The following PDILT variants were observed in gnomAD, a reference collection of about 807,000 sequenced individuals.
PDILT encodes protein disulfide isomerase like, testis expressed, also known as protein disulfide-isomerase-like protein of the testis.
PDILT carries 43 observed loss-of-function variants against 53.7 expected under a neutral mutation model. That is an observed-to-expected ratio of 0.80 (90% confidence interval 0.63 to 1.03). The LOEUF (loss-of-function observed/expected upper bound fraction) is 1.03, where lower values mean the gene tolerates loss of function less well. PDILT is among the 50% of genes least tolerant of loss of function. The pLI is 0.00. For synonymous variants in PDILT, 282 were observed against 274.2 expected, an observed-to-expected ratio of 1.03 and a Z score of -0.28; for missense variants, 727 against 712.3, an observed-to-expected ratio of 1.02 and a Z score of -0.24.
chr16:20,398,332 A>G (rs1966687325), intron 2 of PDILT, among the ~76,000 whole-genome samples: 2 of 151,982 alleles, frequency 1.3e-5, no homozygotes, highest in South Asian at 4.2e-4. Context: ...AGCAAGAGTG[A>G]TGGTCTCGGC....
intron 2 of PDILT, chr16:20,385,999 C>T (rs2141612278): frequency 6.6e-6 from 1 of 152,244 alleles, no homozygotes; most frequent in African/African-American, 2.4e-5. Flanking sequence ...TGTAATTGGA[C>T]AGGGGACTTT....
At position 20,370,419 on chromosome 16, in the gene PDILT, G is replaced by A. The variant is rs138069564; in HGVS notation, c.919-730C>T. 4.6e-5 allele frequency among the ~76,000 whole-genome samples: 7 copies of A among 152,272 alleles called. No individual in the cohort carries two copies. The South Asian group carries it at 6.2e-4, about 14-fold the overall frequency. ...GTAGGGGCTCAGGATTAGGTAGGGT[G>A]GTCAAGAGGAGAACCTGAGGAGGTC... On this transcript the variant is annotated intron_variant, in intron 7 of 11. Coordinates refer to ENST00000302451, the MANE Select transcript of PDILT (RefSeq NM_174924.2).
rs2141717728 is a variant in PDILT at position 20,376,096 on chromosome 16, C to T, written c.515G>A (p.Arg172Lys). The change falls in exon 4 of 12, where the codon AGG becomes AAG. Residue 172 changes from arginine (R) to lysine (K), a missense_variant. Arg to Lys is a conservative substitution (Grantham distance 26). Transcript: ENST00000302451. ...GAAGAAGCCAACGATGACCAAGGGCCTGGATATCACAAACTCTGCCACCTG... is the reference window on the plus strand; with the variant it reads ...GAAGAAGCCAACGATGACCAAGGGCTTGGATATCACAAACTCTGCCACCTG... The part of the protein sequence containing the change: ...SEQVAEFVIS[R>K]PLVIVGFFQD... The T allele has an allele frequency of 1.2e-6, 2 of 1,614,124 alleles. No homozygotes were observed. The highest frequency in any genetic ancestry group is 1.7e-6 in the Non-Finnish European group (2 of 1,180,006).
At chr16:20,402,272 A>G (rs1966751648) in intron 1 of PDILT, among the ~76,000 whole-genome samples, 1 of 136,418 alleles carries the variant, frequency 7.3e-6, no homozygotes, top group African/African-American at 2.9e-5. Context: ...AAAGTGTTGG[A>G]GTCAGGGAGG....
chr16:20,399,069 T>A lies in PDILT; in HGVS notation c.202+30A>T, dbSNP rs756178587. On this transcript the variant is annotated intron_variant, in intron 2 of 11. Coordinates refer to ENST00000302451, the MANE Select transcript of PDILT (RefSeq NM_174924.2). ...AAGGAGGCAGGCCTCATCCCATCTA[T>A]CATCCATCACCCAGGATGGGGGCAC... 5.6e-6 allele frequency: 9 copies of A among 1,613,084 alleles called. No individual in the cohort carries two copies. In the East Asian group the frequency reaches 1.8e-4, roughly 32 times the overall value.
At chr16:20,381,415 T>A (rs1966459432) in intron 3 of PDILT, among the ~76,000 whole-genome samples, 1 of 151,868 alleles carries the variant, frequency 6.6e-6, no homozygotes, top group Non-Finnish European at 1.5e-5. Context: ...GACAGGTGGA[T>A]CATGAAATCA....
intron 1 of PDILT, among the ~76,000 whole-genome samples, chr16:20,402,965 C>A (rs1457266295): frequency 6.6e-6 from 1 of 152,222 alleles, no homozygotes; most frequent in African/African-American, 2.4e-5. Context: ...CCCAGCCTCA[C>A]AAAGTCCAAG....
intron 3 of PDILT, among the ~76,000 whole-genome samples, chr16:20,379,616 G>C (rs1966433936): frequency 6.6e-6 from 1 of 152,150 alleles, no homozygotes; most frequent in Non-Finnish European, 1.5e-5. Flanking sequence ...TGCCCGGCTG[G>C]GGCTATTCTG....
intron 3 of PDILT, among the ~76,000 whole-genome samples, chr16:20,381,590 C>T (rs544096868): frequency 1.1e-4 from 17 of 148,560 alleles, no homozygotes; most frequent in Admixed American, 3.4e-4. Context: ...GAGCCGAGAT[C>T]GCACCACTGC....
intron 2 of PDILT, among the ~76,000 whole-genome samples, chr16:20,392,600 T>G (rs1336719082): frequency 6.6e-6 from 1 of 152,202 alleles, no homozygotes; most frequent in African/African-American, 2.4e-5. Flanking sequence ...CTAGTTTTTT[T>G]AAGAACTCAT....
intron 2 of PDILT, chr16:20,390,543 T>C (rs1222527750): frequency 1.3e-5 from 2 of 152,218 alleles, no homozygotes; most frequent in African/African-American, 4.8e-5. Flanking sequence ...TTTTTCTCCA[T>C]AGTACTTTTA....
rs1375897847 is a variant in PDILT, at chr16:20,366,984, C to CT, written c.1117-1445dup. On this transcript the variant is annotated intron_variant, in intron 8 of 11. Transcript: ENST00000302451. ...CCTTCCTTCCTTCCTTCCTTCCTTC[C>CT]TTCCTTTCTTTCTTTCTTTATTTAT... Among the ~76,000 whole-genome samples the CT allele has an allele frequency of 2.4e-4, 14 of 58,456 alleles. 2 individuals are homozygous for CT. The highest frequency in any genetic ancestry group is 8.0e-4 in the East Asian group (3 of 3,764). 38.3% of individuals were successfully genotyped at this position (58,456 alleles called of 152,430 possible).
chr16:20,402,330 G>C (rs1480861329), intron 1 of PDILT, among the ~76,000 whole-genome samples: 1 of 133,032 alleles, frequency 7.5e-6, no homozygotes, highest in Non-Finnish European at 1.5e-5. Flanking sequence ...ACAGGGTCTC[G>C]CTCTGTCGCC....
chr16:20,398,507 T>G (rs1966690019), intron 2 of PDILT, among the ~76,000 whole-genome samples: 1 of 152,154 alleles, frequency 6.6e-6, no homozygotes, highest in Admixed American at 6.5e-5. Context: ...GGCGGGTACC[T>G]GCGATCCCAT....
intron 8 of PDILT, among the ~76,000 whole-genome samples, chr16:20,366,835 C>G (rs368149135): frequency 3.3e-5 from 5 of 152,124 alleles, no homozygotes; most frequent in African/African-American, 1.2e-4. Context: ...GTTCTCCCCC[C>G]GTCCCCTCCC....
rs1966121986 is a variant in PDILT, at chr16:20,362,578, T to C, written c.1242A>G (p.Ala414=). 1.2e-6 allele frequency: 2 copies of C among 1,613,954 alleles called. No individual in the cohort carries two copies. The highest frequency in any genetic ancestry group is 1.3e-5 in the African/African-American group (1 of 74,882). The change falls in exon 10 of 12, where the codon GCA becomes GCG. Residue 414 remains alanine, a synonymous_variant. Transcript: ENST00000302451. ...KEKDVFVMFY[A]PWSKKCKMLF... ...GCATCTTGCACTTTTTAGACCAGGG[T>C]GCATCTGGAAGAGAAGGTCCATGGC...
At chr16:20,397,937 C>T (rs978524263) in intron 2 of PDILT, among the ~76,000 whole-genome samples, 5 of 152,134 alleles carry the variant, frequency 3.3e-5, no homozygotes, top group African/African-American at 4.8e-5. Flanking sequence ...CCAGTGTTCA[C>T]ACCTGCGGTC....
At chr16:20,397,718 G>A (rs1276767627) in intron 2 of PDILT, among the ~76,000 whole-genome samples, 1 of 152,186 alleles carries the variant, frequency 6.6e-6, no homozygotes, top group Non-Finnish European at 1.5e-5. Context: ...GCATAGGGGA[G>A]TGTGGGTGGA....
chr16:20,404,368 A>G (rs192643727), intron 1 of PDILT, 128 bp downstream of exon 1: 1 of 152,328 alleles, frequency 6.6e-6, no homozygotes, highest in East Asian at 1.9e-4. Flanking sequence ...CCTCAAGTTG[A>G]TCCTAATGTG....
Sources: gnomAD v4.1 joint callset for allele counts (sites outside exome capture counted in the v4.1 genomes callset) on GRCh38, gnomAD v4.1.1 for gene constraint, MANE v1.5 for transcripts, NCBI Gene and HGNC (gene_info 2026-07-23, HGNC 2026-07-21) for gene names.